CHST11: variants seen among roughly 807,000 people sequenced by gnomAD.
CHST11 encodes carbohydrate sulfotransferase 11.
CHST11 carries 9 observed loss-of-function variants against 30.4 expected under a neutral mutation model. The observed-to-expected ratio is 0.30, with a 90% CI of 0.18 to 0.52. The LOEUF (loss-of-function observed/expected upper bound fraction) is 0.52, where lower values mean the gene tolerates loss of function less well. Among genes scored for constraint, CHST11 ranks in the 20% least tolerant of loss-of-function variants. CHST11 has a pLI of 0.97. For synonymous variants in CHST11, 152 were observed against 187.8 expected (o/e 0.81, Z 1.56); for missense variants, 348 against 460.6 (o/e 0.76, Z 2.24).
chr12:104,671,481 C>T (rs1013597987), intron 2 of CHST11, among the ~76,000 whole-genome samples: 7 of 152,116 alleles, frequency 4.6e-5, no homozygotes, highest in Admixed American at 2.6e-4. Context: ...GTTACCAGCG[C>T]GATCATGGTT....
chr12:104,516,852 C>T (rs1209097954), intron 1 of CHST11, among the ~76,000 whole-genome samples: 1 of 151,988 alleles, frequency 6.6e-6, no homozygotes, highest in African/African-American at 2.4e-5. Context: ...TTTGTGTGCC[C>T]TGTTGGGCTC....
intron 2 of CHST11, among the ~76,000 whole-genome samples, chr12:104,626,563 G>A (rs572967887): frequency 2.0e-5 from 3 of 147,296 alleles, no homozygotes; most frequent in African/African-American, 7.7e-5. Flanking sequence ...TTCTGACTTG[G>A]GCAGCCTCCC....
intron 1 of CHST11, among the ~76,000 whole-genome samples, chr12:104,598,073 T>C (rs907139149): frequency 6.6e-6 from 1 of 152,232 alleles, no homozygotes; most frequent in South Asian, 2.1e-4. Flanking sequence ...TGGCGAAGCA[T>C]TGGTGCCCTC....
intron 2 of CHST11, among the ~76,000 whole-genome samples, chr12:104,621,741 C>T (rs999467980): frequency 6.6e-6 from 1 of 152,194 alleles, no homozygotes; most frequent in African/African-American, 2.4e-5. Context: ...GCCTGCTAAC[C>T]CCTTGACTTT....
chr12:104,517,878 A>G (rs1380216820), intron 1 of CHST11, among the ~76,000 whole-genome samples: 2 of 152,192 alleles, frequency 1.3e-5, no homozygotes, highest in East Asian at 3.8e-4. Flanking sequence ...TTCTTTGTGT[A>G]GTGTCTAACA....
chr12:104,496,756 G>T (rs1326980964), intron 1 of CHST11, among the ~76,000 whole-genome samples: 1 of 151,608 alleles, frequency 6.6e-6, no homozygotes, highest in Non-Finnish European at 1.5e-5. Context: ...ACAAGACAAA[G>T]AAAATATGAG....
At chr12:104,704,186 C>T (rs1353487930) in intron 2 of CHST11, among the ~76,000 whole-genome samples, 3 of 152,172 alleles carry the variant, frequency 2.0e-5, no homozygotes, top group East Asian at 3.9e-4. Context: ...CCCGTCACTT[C>T]GATATATTCT....
At chr12:104,461,166 G>A (rs1003428862) in intron 1 of CHST11, among the ~76,000 whole-genome samples, 2 of 152,116 alleles carry the variant, frequency 1.3e-5, no homozygotes, top group African/African-American at 2.4e-5. Context: ...CTAATCAGGC[G>A]CCAGACAGGA....
At chr12:104,706,194 G>A (rs1224348115) in intron 2 of CHST11, among the ~76,000 whole-genome samples, 3 of 151,850 alleles carry the variant, frequency 2.0e-5, no homozygotes, top group East Asian at 1.9e-4. Flanking sequence ...GACCAGCCTG[G>A]CCAACATGGT....
intron 2 of CHST11, among the ~76,000 whole-genome samples, chr12:104,692,857 G>A (rs1314173601): frequency 2.5e-4 from 15 of 60,078 alleles, no homozygotes; most frequent in Non-Finnish European, 4.1e-4. Flanking sequence ...ATCCAACCCC[G>A]CCCCTCCCAC....
intron 1 of CHST11, among the ~76,000 whole-genome samples, chr12:104,530,293 A>G (rs1031174727): frequency 5.3e-5 from 8 of 152,192 alleles, no homozygotes; most frequent in African/African-American, 9.7e-5. Context: ...CATCATGATC[A>G]TCATCATTTC....
chr12:104,530,007 A>G, intron 1 of CHST11, among the ~76,000 whole-genome samples: 1 of 152,114 alleles, frequency 6.6e-6, no homozygotes, highest in East Asian at 1.9e-4. Context: ...AAAATACAAA[A>G]AATTAGCTAG....
Position 104,494,156 on chromosome 12 carries a change from C to T in CHST11, c.118+36627C>T, listed in dbSNP as rs145237099. Among the ~76,000 whole-genome samples the T allele has an allele frequency of 4.4e-3, 675 of 152,300 alleles. 8 individuals are homozygous for T. The highest frequency in any genetic ancestry group is 0.015 in the African/African-American group (636 of 41,562). Reference sequence around the variant, plus strand: ...CACATTCCTGGCCCATCCACAGTCACGAGGACTTGGGACTACAGGCTGGGT... The same window carrying T: ...CACATTCCTGGCCCATCCACAGTCATGAGGACTTGGGACTACAGGCTGGGT... On this transcript the variant is annotated intron_variant, in intron 1 of 2. Coordinates refer to ENST00000303694, the MANE Select transcript of CHST11 (RefSeq NM_018413.6).
chr12:104,616,467 AT>A (rs35122771), intron 2 of CHST11, among the ~76,000 whole-genome samples: 26,350 of 139,206 alleles, frequency 0.19, 2,473 homozygotes, highest in Admixed American at 0.25. Context: ...GGGAAACTAC[AT>A]TTTTTTTTTT....
intron 1 of CHST11, among the ~76,000 whole-genome samples, chr12:104,512,995 A>T (rs1329348662): frequency 1.3e-5 from 2 of 152,060 alleles, no homozygotes; most frequent in Non-Finnish European, 2.9e-5. Context: ...TCCAGGTTGC[A>T]CATGAGATGC....
At chr12:104,712,834 C>A (rs1318035503) in intron 2 of CHST11, among the ~76,000 whole-genome samples, 2 of 152,152 alleles carry the variant, frequency 1.3e-5, no homozygotes, top group African/African-American at 4.8e-5. Context: ...TGGGGTGATG[C>A]CAGTTTGGCT....
At chr12:104,738,394 C>T (rs2040319080) in intron 2 of CHST11, among the ~76,000 whole-genome samples, 2 of 152,248 alleles carry the variant, frequency 1.3e-5, no homozygotes, top group South Asian at 4.1e-4. Flanking sequence ...TGCATGAATA[C>T]TTCTTTCTTG....
intron 1 of CHST11, among the ~76,000 whole-genome samples, chr12:104,483,600 T>A (rs1370169193): frequency 6.6e-6 from 1 of 152,220 alleles, no homozygotes; most frequent in Non-Finnish European, 1.5e-5. Flanking sequence ...TTTTGGATAA[T>A]AAGAGAAGAG....
chr12:104,609,683 G>A (rs935155628), intron 2 of CHST11, among the ~76,000 whole-genome samples: 1 of 152,170 alleles, frequency 6.6e-6, no homozygotes, highest in Non-Finnish European at 1.5e-5. Flanking sequence ...ATCAGAGCTT[G>A]ATACCAGTCT....
Sources: gnomAD v4.1 joint callset for allele counts (sites outside exome capture counted in the v4.1 genomes callset) on GRCh38, gnomAD v4.1.1 for gene constraint, MANE v1.5 for transcripts, NCBI Gene and HGNC (gene_info 2026-07-23, HGNC 2026-07-21) for gene names.